Variants in MCF2 observed in about 807,000 individuals in gnomAD.
MCF2 encodes proto-oncogene DBL.
A neutral mutation model predicts 82.5 loss-of-function variants in MCF2; 44 were observed. That is an observed-to-expected ratio of 0.53 (90% CI 0.42 to 0.69). MCF2 has a LOEUF of 0.69. Ranked by LOEUF, MCF2 falls within the 30% of genes least tolerant of loss-of-function variation. The pLI, the probability that MCF2 is intolerant of heterozygous loss-of-function variation, is 0.00. For missense variants in MCF2, 623 were observed against 663.1 expected, an observed-to-expected ratio of 0.94 and a Z score of 0.66; for synonymous variants, 217 against 224.9, an observed-to-expected ratio of 0.96 and a Z score of 0.32.
chrX:139,649,910 T>C (rs886783155), intron 2 of MCF2, among the ~76,000 whole-genome samples: 1 of 111,784 alleles, frequency 8.9e-6, no homozygotes, highest in African/African-American at 3.3e-5. Flanking sequence ...GAACGTAACA[T>C]ACTGCTAAAT....
At chrX:139,677,328 GATCTC>G (rs1478067135) in intron 1 of MCF2, among the ~76,000 whole-genome samples, 1 of 110,762 alleles carries the variant, frequency 9.0e-6, no homozygotes, top group Non-Finnish European at 1.9e-5. Flanking sequence ...CCATACACTT[GATCTC>G]TCAAGTCGCC....
chrX:139,643,087 AT>A (rs763023936), upstream of MCF2, among the ~76,000 whole-genome samples: 1 of 111,862 alleles, frequency 8.9e-6, no homozygotes, highest in African/African-American at 3.2e-5. Context: ...AGTTTGCAAA[AT>A]TTTGTCCTGG....
intron 23 of MCF2, among the ~76,000 whole-genome samples, chrX:139,585,982 T>A (rs986016131): frequency 1.8e-5 from 2 of 112,267 alleles, no homozygotes; most frequent in Non-Finnish European, 3.8e-5. Flanking sequence ...GAAGCCAGTA[T>A]ATATGTTTTA....
At chrX:139,626,784 C>T (rs370351140) in intron 4 of MCF2, 28 bp from the exon 8 acceptor site, 154 of 1,175,785 alleles carry the variant, frequency 1.3e-4, no homozygotes, top group Non-Finnish European at 1.7e-4. Context: ...AGGAGTATCA[C>T]CTAATTAGTA....
At chrX:139,585,033 T>G in intron 24 of MCF2, 33 bp downstream of exon 28, 1 of 1,017,970 alleles carries the variant, frequency 9.8e-7, no homozygotes, top group South Asian at 2.2e-5. Flanking sequence ...TAAAACTGCC[T>G]CAATAATTTT....
chrX:139,692,690 T>C (rs1390313254), intron 1 of MCF2, among the ~76,000 whole-genome samples: 4 of 111,768 alleles, frequency 3.6e-5, no homozygotes, highest in Non-Finnish European at 7.5e-5. Flanking sequence ...TTCTGGCCAG[T>C]ATCCACCTGG....
At chrX:139,695,579 G>C (rs1157817128) in intron 1 of MCF2, among the ~76,000 whole-genome samples, 1 of 111,518 alleles carries the variant, frequency 9.0e-6, no homozygotes, top group Non-Finnish European at 1.9e-5. Context: ...GAGAGAGGGA[G>C]AGAAAGCCTA....
chrX:139,705,223 G>T (rs1935568298), intron 1 of MCF2, among the ~76,000 whole-genome samples: 1 of 111,944 alleles, frequency 8.9e-6, no homozygotes, highest in African/African-American at 3.3e-5. Flanking sequence ...TGAGGCAGGA[G>T]AATTGCTTGA....
chrX:139,641,669 AAG>A (rs759807442), intron 1 of MCF2, among the ~76,000 whole-genome samples: 220 of 111,530 alleles, frequency 2.0e-3, no homozygotes, highest in African/African-American at 6.8e-3. Context: ...TTGAAAGAAA[AAG>A]AGTGGCATTT....
intron 1 of MCF2, among the ~76,000 whole-genome samples, chrX:139,702,092 CAG>C (rs1257787139): frequency 8.9e-6 from 1 of 111,739 alleles, no homozygotes; most frequent in African/African-American, 3.3e-5. Flanking sequence ...ACTATCACAG[CAG>C]AGACATGGTC....
rs771434612 is a variant in MCF2, at chrX:139,602,496, C to T, written c.1746G>A (p.Lys582=). ...ATTTTGCATACATCTGAAAATCATC[C>T]TTCTGTGATAAAAAACAAATTCAAA... Residue 582 remains lysine (K), a splice_region_variant and synonymous_variant, in exon 16 of 25, where the codon AAG becomes AAA. Coordinates refer to ENST00000370576, the Ensembl canonical transcript of MCF2. The T allele has an allele frequency of 7.8e-6, 9 of 1,157,402 alleles. No individual in the cohort carries two copies. In the South Asian group the frequency reaches 9.4e-5, roughly 12 times the overall value.
At chrX:139,640,450 G>T (rs753883133) in intron 1 of MCF2, among the ~76,000 whole-genome samples, 1 of 111,783 alleles carries the variant, frequency 8.9e-6, no homozygotes, top group South Asian at 3.7e-4. Context: ...AACTTGTCAA[G>T]TGACGTCAGG....
chrX:139,681,923 T>C (rs1935008415), intron 1 of MCF2, among the ~76,000 whole-genome samples: 1 of 112,150 alleles, frequency 8.9e-6, no homozygotes, highest in African/African-American at 3.2e-5. Flanking sequence ...TTTATTAGTT[T>C]ATGGGCATTT....
upstream of MCF2, chrX:139,646,917 A>ATT: frequency 1.1e-6 from 1 of 932,769 alleles, no homozygotes; most frequent in East Asian, 3.2e-5. Flanking sequence ...CAACAATAGA[A>ATT]AAATAATCAA....
At chrX:139,596,995 T>C (rs2235709) in intron 18 of MCF2, among the ~76,000 whole-genome samples, 1,800 of 111,382 alleles carry the variant, frequency 0.016, 21 homozygotes, top group East Asian at 0.082. Context: ...CTTCATATCA[T>C]CTGGAGGTAT....
intron 10 of MCF2, 87 bp from the exon 15 acceptor site, chrX:139,610,425 T>C: frequency 1.9e-6 from 1 of 530,953 alleles, no homozygotes; most frequent in Non-Finnish European, 3.0e-6. Flanking sequence ...ATTAAATAAC[T>C]TGAGTTAATA....
intron 1 of MCF2, among the ~76,000 whole-genome samples, chrX:139,705,290 C>T (rs752927981): frequency 5.4e-5 from 6 of 111,752 alleles, no homozygotes; most frequent in Admixed American, 9.5e-5. Context: ...CCAGCCTAGG[C>T]GACAGAGTGA....
chrX:139,673,909 A>G (rs1299815769), intron 1 of MCF2, among the ~76,000 whole-genome samples: 1 of 111,564 alleles, frequency 9.0e-6, no homozygotes, highest in Non-Finnish European at 1.9e-5. Context: ...TAATATTGAC[A>G]GTGGGGTGTT....
chrX:139,589,501 G>T (rs1929302832), intron 20 of MCF2, among the ~76,000 whole-genome samples: 1 of 111,228 alleles, frequency 9.0e-6, no homozygotes, highest in South Asian at 3.8e-4. Flanking sequence ...CCCCTAGAAT[G>T]CTTAGCATAA....
Sources: allele counts gnomAD v4.1 joint callset (sites outside exome capture counted in the v4.1 genomes callset), GRCh38; gene constraint gnomAD v4.1.1; transcripts MANE v1.5; gene names NCBI Gene and HGNC (gene_info 2026-07-23, HGNC 2026-07-21).